The following DGKB variants were observed in gnomAD, a reference collection of about 807,000 sequenced individuals.
The protein encoded by DGKB is diacylglycerol kinase beta.
In DGKB, 67 loss-of-function variants were observed where a neutral mutation model predicts 114.3. That is an observed-to-expected ratio of 0.59 (90% CI 0.48 to 0.72). The LOEUF is 0.72. DGKB is among the 30% of genes least tolerant of loss of function. DGKB has a pLI of 0.00. For synonymous variants in DGKB, 398 were observed against 323.1 expected (o/e 1.23, Z -2.49); for missense variants, 907 against 975.2 (o/e 0.93, Z 0.93).
intron 21 of DGKB, among the ~76,000 whole-genome samples, chr7:14,429,619 G>A (rs185201257): frequency 6.6e-6 from 1 of 152,114 alleles, no homozygotes; most frequent in East Asian, 1.9e-4. Context: ...TATAGTGGAT[G>A]CACATGAAAA....
intron 23 of DGKB, among the ~76,000 whole-genome samples, chr7:14,333,364 G>C (rs1432241274): frequency 2.0e-5 from 3 of 151,588 alleles, no homozygotes; most frequent in East Asian, 1.9e-4. Flanking sequence ...TGGAGGCTGA[G>C]GCAGGAGAAT....
At chr7:14,296,233 T>C (rs767099018) in intron 23 of DGKB, among the ~76,000 whole-genome samples, 1 of 151,944 alleles carries the variant, frequency 6.6e-6, no homozygotes, top group Non-Finnish European at 1.5e-5. Flanking sequence ...GGTTTCACCA[T>C]GTTGGCCAGG....
At chr7:14,568,868 G>C (rs1412718849) in intron 20 of DGKB, among the ~76,000 whole-genome samples, 1 of 152,148 alleles carries the variant, frequency 6.6e-6, no homozygotes, top group African/African-American at 2.4e-5. Context: ...ACTGAGATTA[G>C]AATCAAACTT....
intron 1 of DGKB, among the ~76,000 whole-genome samples, chr7:14,866,382 G>A (rs1386634863): frequency 2.0e-5 from 3 of 152,060 alleles, no homozygotes; most frequent in Non-Finnish European, 4.4e-5. Flanking sequence ...CCTTAAAAAT[G>A]CTTATTGTTC....
intron 1 of DGKB, among the ~76,000 whole-genome samples, chr7:14,874,830 T>G (rs1394003494): frequency 6.6e-6 from 1 of 152,104 alleles, no homozygotes; most frequent in Non-Finnish European, 1.5e-5. Context: ...AATATAAAGT[T>G]TTAGATCACA....
intron 20 of DGKB, among the ~76,000 whole-genome samples, chr7:14,546,177 C>T (rs1312560902): frequency 6.6e-6 from 1 of 152,100 alleles, no homozygotes; most frequent in Non-Finnish European, 1.5e-5. Flanking sequence ...AAGGAAAATT[C>T]CTTGCATAAA....
intron 21 of DGKB, among the ~76,000 whole-genome samples, chr7:14,384,540 G>A (rs964030904): frequency 1.3e-5 from 2 of 152,172 alleles, no homozygotes; most frequent in Non-Finnish European, 2.9e-5. Context: ...CAAAATACAT[G>A]ACACAATGAA....
At chr7:14,948,605 A>G (rs1786009545) in intron 1 of DGKB, among the ~76,000 whole-genome samples, 1 of 151,872 alleles carries the variant, frequency 6.6e-6, no homozygotes, top group African/African-American at 2.4e-5. Context: ...CATGAAAAAG[A>G]TAAAACTTGT....
intron 1 of DGKB, among the ~76,000 whole-genome samples, chr7:14,939,036 A>G (rs911611533): frequency 7.2e-5 from 11 of 151,768 alleles, no homozygotes; most frequent in Non-Finnish European, 1.5e-4. Flanking sequence ...TTGCTGTCCT[A>G]TAAAGACCAT....
At chr7:14,458,331 A>C (rs922259041) in intron 21 of DGKB, among the ~76,000 whole-genome samples, 3 of 152,234 alleles carry the variant, frequency 2.0e-5, no homozygotes, top group Admixed American at 6.5e-5. Context: ...TAAATAATTT[A>C]AATTTAAATA....
At chr7:14,955,031 G>C (rs1309384170) in intron 1 of DGKB, among the ~76,000 whole-genome samples, 1 of 152,062 alleles carries the variant, frequency 6.6e-6, no homozygotes, top group Non-Finnish European at 1.5e-5. Context: ...AAGAGAATCA[G>C]CTAAGGAGTC....
chr7:14,919,829 G>T (rs954251556), intron 1 of DGKB, among the ~76,000 whole-genome samples: 1 of 152,048 alleles, frequency 6.6e-6, no homozygotes, highest in Admixed American at 6.6e-5. Context: ...TGAGCTTGTT[G>T]TTTAACCTCC....
intron 16 of DGKB, among the ~76,000 whole-genome samples, chr7:14,610,767 T>A (rs1367271204): frequency 6.6e-6 from 1 of 152,026 alleles, no homozygotes; most frequent in Non-Finnish European, 1.5e-5. Flanking sequence ...ACGTTGTCCT[T>A]GGCAACAAAC....
At chr7:14,571,060 T>G (rs377573635) in intron 20 of DGKB, among the ~76,000 whole-genome samples, 2 of 152,178 alleles carry the variant, frequency 1.3e-5, no homozygotes, top group South Asian at 4.1e-4. Flanking sequence ...GCTTTAGTCA[T>G]GACAATCAAG....
At chr7:14,528,090 T>A (rs2116319) in intron 20 of DGKB, among the ~76,000 whole-genome samples, 49,176 of 151,952 alleles carry the variant, frequency 0.32, 8,657 homozygotes, top group Admixed American at 0.43. Context: ...TTGATGAATT[T>A]CATAAAATTT....
chr7:14,566,319 A>T (rs959287703), intron 20 of DGKB, among the ~76,000 whole-genome samples: 1 of 152,182 alleles, frequency 6.6e-6, no homozygotes, highest in Non-Finnish European at 1.5e-5. Context: ...GAAACTGAAA[A>T]TAATAGATGG....
chr7:14,789,409 C>T (rs1840348476), intron 2 of DGKB, among the ~76,000 whole-genome samples: 1 of 152,066 alleles, frequency 6.6e-6, no homozygotes. Context: ...CATGTTGTTG[C>T]ATTTATTATT....
chr7:14,841,183 T>G lies in DGKB; in HGVS notation c.70+11A>C, dbSNP rs754718921. Reference sequence around the variant, plus strand: ...GTCAAATAATCTCATAATATCAATATGAATACTTACACTCAGCATATTTCT... The same window carrying G: ...GTCAAATAATCTCATAATATCAATAGGAATACTTACACTCAGCATATTTCT... On this transcript the variant is annotated intron_variant, in intron 2 of 25. Transcript: ENST00000402815. 1 of 1,604,522 alleles carries G rather than the reference T, an allele frequency of 6.2e-7. No homozygotes were observed. Among genetic ancestry groups the G allele is most frequent in the East Asian group, 2.2e-5 (1 of 44,796 alleles).
chr7:14,306,647 TG>T (rs1562891046), intron 23 of DGKB, among the ~76,000 whole-genome samples: 1 of 152,048 alleles, frequency 6.6e-6, no homozygotes, highest in Non-Finnish European at 1.5e-5. Flanking sequence ...GCTTCAGAAC[TG>T]GGCCATGGGT....
Sources: gnomAD v4.1 joint callset for allele counts (sites outside exome capture counted in the v4.1 genomes callset) on GRCh38, gnomAD v4.1.1 for gene constraint, MANE v1.5 for transcripts, NCBI Gene and HGNC (gene_info 2026-07-23, HGNC 2026-07-21) for gene names.